Variants in NPHS1 observed in about 807,000 individuals in gnomAD.
NPHS1 encodes nephrin.
A neutral mutation model predicts 139.7 loss-of-function variants in NPHS1; 107 were observed. That is an observed-to-expected ratio of 0.77 (90% CI 0.66 to 0.90). NPHS1 has a LOEUF of 0.90. Ranked by LOEUF, NPHS1 falls within the 40% of genes least tolerant of loss-of-function variation. NPHS1 has a pLI of 0.00. For synonymous variants in NPHS1, 707 were observed against 706.6 expected (o/e 1.00, Z -0.01); for missense variants, 1,580 against 1,654.2 (o/e 0.96, Z 0.78).
At position 35,844,296 on chromosome 19, in the gene NPHS1, C is replaced by G. The variant is rs1000080131; in HGVS notation, c.2071+23G>C. The G allele has an allele frequency of 5.0e-6, 8 of 1,613,864 alleles. No individual in the cohort carries two copies. In the African/African-American group the frequency reaches 1.1e-4, roughly 22 times the overall value. ...GCAGGACCTCCCATCCCCGGGACCCCTCCCCATGACCACTTCCCTCACCTG... is the reference window on the plus strand; with the variant it reads ...GCAGGACCTCCCATCCCCGGGACCCGTCCCCATGACCACTTCCCTCACCTG... On this transcript the variant is annotated intron_variant, in intron 15 of 28. Coordinates refer to ENST00000378910, the MANE Select transcript of NPHS1 (RefSeq NM_004646.4).
Position 35,846,021 on chromosome 19 carries a change from C to G in NPHS1, c.1614G>C (p.Gln538His), listed in dbSNP as rs1392331476. ...CKAGQLSASTQLAVQFPPTNV... is the reference protein window; with the variant it reads ...CKAGQLSASTHLAVQFPPTNV... Reference sequence around the variant, plus strand: ...GCGAGCCCTCACACTGCACCGCCAGCTGCGTGGACGCGCTGAGCTGTCCAG... The same window carrying G: ...GCGAGCCCTCACACTGCACCGCCAGGTGCGTGGACGCGCTGAGCTGTCCAG... The change falls in exon 12 of 29, where the codon CAG becomes CAC. Residue 538 changes from glutamine to histidine, a missense_variant. Physicochemically the swap from Gln to His is conservative, Grantham distance 24. Transcript: ENST00000378910. 6 of 1,583,034 alleles carry G rather than the reference C, an allele frequency of 3.8e-6. No homozygotes were observed. The highest frequency in any genetic ancestry group is 3.4e-6 in the Non-Finnish European group (4 of 1,164,734).
In NPHS1 at chr19:35,843,385, T is replaced by G. The variant is rs1445695735; in HGVS notation, c.2334+87A>C. 2.0e-6 allele frequency: 3 copies of G among 1,484,542 alleles called. No homozygotes were observed. In the African/African-American group the frequency reaches 4.2e-5, roughly 21 times the overall value. The allele number at this position is 1,484,542 out of a possible 1,614,324, so 92.0% of individuals were successfully genotyped here. On this transcript the variant is annotated intron_variant, in intron 17 of 28. Transcript: ENST00000378910. ...TATAGTTATAAGGGTCATACAGATG[T>G]ATGTGGTCCCCACTCCCAAGGAACT...
intron 23 of NPHS1, among the ~76,000 whole-genome samples, chr19:35,832,805 T>A (rs1972901494): frequency 6.9e-6 from 1 of 144,478 alleles, no homozygotes; most frequent in Admixed American, 7.0e-5. Flanking sequence ...GGGAATCACT[T>A]GAACTGGGGA....
rs555455361 is a variant in NPHS1, at chr19:35,831,811, G to T, written c.3167-49C>A. The T allele has an allele frequency of 8.4e-5, 129 of 1,543,706 alleles. No individual in the cohort carries two copies. The East Asian group carries it at 9.0e-4, about 11-fold the overall frequency. On this transcript the variant is annotated intron_variant, in intron 23 of 28. Coordinates refer to ENST00000378910, the MANE Select transcript of NPHS1 (RefSeq NM_004646.4). ...GTGAATCCCAGACAACAGGCTGTAG[G>T]CCAGGGGTGGGTCTCCCCGAGAAAG...
rs200910891 is a variant in NPHS1, at chr19:35,831,415, G to A, written c.3312-44C>T. ...GGGGGGAAGTTGAGTGCTGCCCCCC[G>A]CCACCAGTCTCCCCCAAACCTCCCT... On this transcript the variant is annotated intron_variant, in intron 25 of 28. Coordinates refer to ENST00000378910, the MANE Select transcript of NPHS1 (RefSeq NM_004646.4). 88 of 1,610,274 alleles carry A rather than the reference G, an allele frequency of 5.5e-5. 1 individual carries two copies. The highest frequency in any genetic ancestry group is 1.9e-4 in the South Asian group (17 of 90,946).
rs1973249177 is a variant in NPHS1, at chr19:35,851,284, G to A, written c.375C>T (p.Pro125=). The change falls in exon 3 of 29, where the codon CCC becomes CCT. Residue 125 remains proline, a synonymous_variant. Transcript: ENST00000378910. ...RSEMGPELVS[P]RVILSILVPP... ...TACCCAGGATGGAGAGGATCACTCT[G>A]GGAGACACGAGCTCGGGCCCCATCT... 6.2e-7 allele frequency: 1 copy of A among 1,614,006 alleles called. No individual in the cohort carries two copies. The highest frequency in any genetic ancestry group is 1.1e-5 in the South Asian group (1 of 91,078).
In NPHS1 at chr19:35,842,126, G is replaced by T; in HGVS notation, c.2661C>A (p.Pro887=). 6.2e-7 allele frequency: 1 copy of T among 1,603,604 alleles called. No homozygotes were observed. The highest frequency in any genetic ancestry group is 1.7e-5 in the Admixed American group (1 of 57,576). The part of the protein sequence containing the change: ...KNGVPLDLQD[P]RYTEHTYHQG... ...TGCCTGGCTGGGCTTGGGCTCACCT[G>T]GGATCTTGGAGATCCAGAGGGACCC... is the stretch of plus-strand genomic sequence containing the variant. The change falls in exon 19 of 29, where the codon CCC becomes CCA. Residue 887 remains proline, a splice_region_variant and synonymous_variant. Coordinates refer to ENST00000378910, the MANE Select transcript of NPHS1 (RefSeq NM_004646.4).
At chr19:35,832,638 C>T (rs904788373) in intron 23 of NPHS1, among the ~76,000 whole-genome samples, 7 of 151,678 alleles carry the variant, frequency 4.6e-5, no homozygotes, top group Admixed American at 3.9e-4. Context: ...GCCTATAATC[C>T]CAGCACTCTG....
In NPHS1 at chr19:35,844,374, A is replaced by AGCGGAC; in HGVS notation, c.2010_2015dup (p.Ser671_Ala672dup). On this transcript the variant is annotated inframe_insertion, in exon 15 of 29. Coordinates refer to ENST00000378910, the MANE Select transcript of NPHS1 (RefSeq NM_004646.4). ...AGTTGAAGGCCTCGGGGGCGGGGTT[A>AGCGGAC]GCGGACACGGACACGGGCAGCAACG... 6.2e-7 allele frequency: 1 copy of AGCGGAC among 1,613,378 alleles called. No homozygotes were observed. The highest frequency in any genetic ancestry group is 8.5e-7 in the Non-Finnish European group (1 of 1,179,800).
rs1599840207 is a variant in NPHS1, at chr19:35,839,591, T to G, written c.2832A>C (p.Pro944=). The G allele has an allele frequency of 6.2e-7, 1 of 1,614,014 alleles. No homozygotes were observed. The part of the protein sequence containing the change: ...QLVSISRPDP[P]SGLKVVSLTP... ...TCAGACTCACAACCTTTAATCCTGATGGAGGGTCAGGGCGGCCTATGGGGA... is the reference window on the plus strand; with the variant it reads ...TCAGACTCACAACCTTTAATCCTGAGGGAGGGTCAGGGCGGCCTATGGGGA... Residue 944 remains proline (P), a synonymous_variant, in exon 21 of 29, where the codon CCA becomes CCC. Transcript: ENST00000378910.
intron 23 of NPHS1, among the ~76,000 whole-genome samples, chr19:35,834,509 C>T (rs549021694): frequency 6.6e-6 from 1 of 152,150 alleles, no homozygotes; most frequent in South Asian, 2.1e-4. Flanking sequence ...AGGCTTCTTA[C>T]AGGACATGGA....
chr19:35,841,956 G>A lies in NPHS1; in HGVS notation c.2664-90C>T, dbSNP rs532694840. On this transcript the variant is annotated intron_variant, in intron 19 of 28. Coordinates refer to ENST00000378910, the MANE Select transcript of NPHS1 (RefSeq NM_004646.4). ...TATGCATCCATCCATTAATGTAACC[G>A]TCTGCCTATCTATCCATTCATCCAT... 465 of 1,455,620 alleles carry A rather than the reference G, an allele frequency of 3.2e-4. 4 individuals carry two copies. Among genetic ancestry groups the A allele is most frequent in the South Asian group, 5.7e-4 (47 of 82,118 alleles). The allele number at this position is 1,455,620 out of a possible 1,614,324, so 90.2% of individuals were successfully genotyped here. A position where few individuals can be genotyped will look rare whatever the true frequency, so the allele number is the denominator to read the frequency against.
At chr19:35,833,866 T>C (rs753161565) in intron 23 of NPHS1, among the ~76,000 whole-genome samples, 2 of 152,016 alleles carry the variant, frequency 1.3e-5, no homozygotes, top group Non-Finnish European at 2.9e-5. Flanking sequence ...CTGGCTAATT[T>C]TTTTTGTTTT....
intron 17 of NPHS1, 107 bp downstream of exon 17, chr19:35,843,357 GTATATAGT>G: frequency 1.5e-6 from 2 of 1,295,242 alleles, no homozygotes; most frequent in Non-Finnish European, 2.2e-6. Flanking sequence ...GCCCTGGCGA[GTATATAGT>G]TATAAGGGTC....
At chr19:35,833,301 C>T (rs148394646) in intron 23 of NPHS1, among the ~76,000 whole-genome samples, 50 of 152,194 alleles carry the variant, frequency 3.3e-4, no homozygotes, top group East Asian at 2.3e-3. Context: ...ATCTGTTGGG[C>T]GGGCAATCTC....
chr19:35,825,966 G>T lies in NPHS1; in HGVS notation c.*548C>A. On this transcript the variant is annotated 3_prime_UTR_variant, in exon 29 of 29. Coordinates refer to ENST00000378910, the MANE Select transcript of NPHS1 (RefSeq NM_004646.4). ...TTTTTATTTTATTTTTATTTTTTGA[G>T]ACAGAATCTCGCTCTGTCGCCCAGG... is the stretch of plus-strand genomic sequence containing the variant. 1 of 152,126 alleles carries T rather than the reference G, an allele frequency of 6.6e-6. No individual in the cohort carries two copies. The highest frequency in any genetic ancestry group is 1.5e-5 in the Non-Finnish European group (1 of 68,162). 9.4% of individuals were successfully genotyped at this position (152,126 alleles called of 1,614,324 possible). A position where few individuals can be genotyped will look rare whatever the true frequency, so the allele number is the denominator to read the frequency against.
rs1333380652 is a variant in NPHS1 at position 35,842,131 on chromosome 19, C to T, written c.2656G>A (p.Asp886Asn). ...GGCTGGGCTTGGGCTCACCTGGGAT[C>T]TTGGAGATCCAGAGGGACCCCGTTT... ...TKNGVPLDLQ[D>N]PRYTEHTYHQ... Residue 886 changes from aspartate (D) to asparagine (N), a missense_variant, in exon 19 of 29, where the codon GAT becomes AAT. Coordinates refer to ENST00000378910, the MANE Select transcript of NPHS1 (RefSeq NM_004646.4). 5 of 1,604,456 alleles carry T rather than the reference C, an allele frequency of 3.1e-6. No homozygotes were observed. The highest frequency in any genetic ancestry group is 2.2e-5 in the East Asian group (1 of 44,670).
rs186892443 is a variant in NPHS1, at chr19:35,849,521, C to T, written c.712+29G>A. On this transcript the variant is annotated intron_variant, in intron 6 of 28. Transcript: ENST00000378910. ...CCCAGTGCCTGCTCCCCATCCTCAG[C>T]GCCCTAGTTGGCCCAGTTCTCCACT... is the stretch of plus-strand genomic sequence containing the variant. 2.3e-4 allele frequency: 362 copies of T among 1,601,346 alleles called. 1 individual carries two copies. Among genetic ancestry groups the T allele is most frequent in the African/African-American group, 1.8e-3 (138 of 74,756 alleles).
In NPHS1 at chr19:35,851,335, C is replaced by G. The variant is rs1599847618; in HGVS notation, c.324G>C (p.Glu108Asp). The G allele has an allele frequency of 6.2e-7, 1 of 1,613,848 alleles. No individual in the cohort carries two copies. Among genetic ancestry groups the G allele is most frequent in the Non-Finnish European group, 8.5e-7 (1 of 1,179,890 alleles). ...CAGAGCGGCCGACCTGGCACTCATA[C>G]TCCGCGTCATCGCTGAGGTCACAGG... ...IEACDLSDDAEYECQVGRSEM... is the reference protein window; with the variant it reads ...IEACDLSDDADYECQVGRSEM... The change falls in exon 3 of 29, where the codon GAG (glutamate) becomes GAC (aspartate). Residue 108 changes from glutamate (E) to aspartate (D), a missense_variant. Glu to Asp is a conservative substitution (Grantham distance 45). Transcript: ENST00000378910.
Sources: allele counts gnomAD v4.1 joint callset (sites outside exome capture counted in the v4.1 genomes callset), GRCh38; gene constraint gnomAD v4.1.1; transcripts MANE v1.5; gene names NCBI Gene and HGNC (gene_info 2026-07-23, HGNC 2026-07-21).